The following TTC23 variants were observed in gnomAD, a reference collection of about 807,000 sequenced individuals.
The protein encoded by TTC23 is tetratricopeptide repeat protein 23.
A neutral mutation model predicts 55.1 loss-of-function variants in TTC23; 58 were observed. The observed-to-expected ratio is 1.05, with a 90% CI of 0.85 to 1.31. The LOEUF is 1.31. Among genes scored for constraint, TTC23 ranks in the 50% most tolerant of loss-of-function variants. The probability of loss-of-function intolerance (pLI) is 0.00; values close to 1 mark genes in which losing one functional copy is unlikely to be tolerated. For synonymous variants in TTC23, 203 were observed against 199.9 expected (o/e 1.02, Z -0.13); for missense variants, 516 against 534.4 (o/e 0.97, Z 0.34).
At chr15:99,209,775 C>T (rs2076895551) in intron 8 of TTC23, among the ~76,000 whole-genome samples, 1 of 152,122 alleles carries the variant, frequency 6.6e-6, no homozygotes, top group Admixed American at 6.6e-5. Context: ...CACTCTGTCA[C>T]CCAGGTTGGA....
chr15:99,231,416 C>T (rs895511137), intron 4 of TTC23, among the ~76,000 whole-genome samples: 13 of 152,152 alleles, frequency 8.5e-5, no homozygotes, highest in African/African-American at 2.9e-4. Flanking sequence ...TCCAGTGGGA[C>T]AAGACATGGA....
chr15:99,161,962 A>T, intron 10 of TTC23, 95 bp from the exon 11 acceptor site: 2 of 1,357,542 alleles, frequency 1.5e-6, no homozygotes, highest in Non-Finnish European at 2.0e-6. Context: ...AGCTATTTGG[A>T]AAGAGGTATT....
rs542991536 is a variant in TTC23 at position 99,222,865 on chromosome 15, C to T, written c.181-1001G>A. Among the ~76,000 whole-genome samples the T allele has an allele frequency of 2.4e-4, 37 of 152,024 alleles. No homozygotes were observed. In the East Asian group the frequency reaches 5.7e-3, roughly 23 times the overall value. On this transcript the variant is annotated intron_variant, in intron 5 of 13. Coordinates refer to ENST00000394132, the MANE Select transcript of TTC23 (RefSeq NM_001288615.3). ...ACAAAAAATTAGCCAGGCATGGTGG[C>T]GGCCGCCCGTAGTCCCAGCTACTCG...
chr15:99,202,313 G>A (rs1202513783), intron 8 of TTC23, among the ~76,000 whole-genome samples: 2 of 152,120 alleles, frequency 1.3e-5, no homozygotes, highest in Non-Finnish European at 2.9e-5. Flanking sequence ...TCCTCGTCAT[G>A]TTCATAAAAG....
intron 3 of TTC23, among the ~76,000 whole-genome samples, chr15:99,235,863 T>C (rs2079279753): frequency 6.6e-6 from 1 of 152,232 alleles, no homozygotes; most frequent in African/African-American, 2.4e-5. Context: ...TGTCTCTGAA[T>C]CTGACTGCTC....
intron 12 of TTC23, among the ~76,000 whole-genome samples, chr15:99,147,293 T>C (rs2069033983): frequency 7.5e-6 from 1 of 132,814 alleles, no homozygotes; most frequent in Non-Finnish European, 1.6e-5. Flanking sequence ...CGGCGCGATC[T>C]CAGCTCACTG....
chr15:99,191,705 C>G (rs1448375938), intron 9 of TTC23, among the ~76,000 whole-genome samples: 1 of 152,166 alleles, frequency 6.6e-6, no homozygotes, highest in African/African-American at 2.4e-5. Context: ...ATGTCTTCAT[C>G]AGCAGCATGA....
chr15:99,171,259 C>G (rs532222602), intron 10 of TTC23, among the ~76,000 whole-genome samples: 2 of 152,276 alleles, frequency 1.3e-5, no homozygotes, highest in East Asian at 3.9e-4. Flanking sequence ...GGTGCTGAAT[C>G]TGACAAGGGC....
chr15:99,175,252 C>T (rs551570574), intron 9 of TTC23, 97 bp from the exon 10 acceptor site: 12 of 931,798 alleles, frequency 1.3e-5, no homozygotes, highest in Non-Finnish European at 1.8e-5. Context: ...AGCCAAGGAA[C>T]TTTCCAGCAA....
At chr15:99,240,346 G>T (rs2079668051) in intron 3 of TTC23, among the ~76,000 whole-genome samples, 1 of 152,022 alleles carries the variant, frequency 6.6e-6, no homozygotes. Flanking sequence ...TAAAAGAGAG[G>T]TTATATTTAT....
In TTC23 at chr15:99,137,085, T is replaced by G. The variant is rs2067648029; in HGVS notation, c.*925A>C. 1 of 152,354 alleles carries G rather than the reference T, an allele frequency of 6.6e-6. No individual in the cohort carries two copies. Among genetic ancestry groups the G allele is most frequent in the Non-Finnish European group, 1.5e-5 (1 of 68,156 alleles). The allele number at this position is 152,354 out of a possible 1,614,324, so 9.4% of individuals were successfully genotyped here. On this transcript the variant is annotated 3_prime_UTR_variant, in exon 14 of 14. Coordinates refer to ENST00000394132, the MANE Select transcript of TTC23 (RefSeq NM_001288615.3). Reference sequence around the variant, plus strand: ...ACCAGGGGAGGGAGGGGAAGGGACATCACTGCCCACACCTGCACCCCTACC... The same window carrying G: ...ACCAGGGGAGGGAGGGGAAGGGACAGCACTGCCCACACCTGCACCCCTACC...
At chr15:99,228,375 A>C (rs545350568) in intron 5 of TTC23, 158 bp downstream of exon 5, 1 of 554,468 alleles carries the variant, frequency 1.8e-6, no homozygotes, top group South Asian at 4.5e-5. Context: ...GCCTAGAGGT[A>C]CTGCATTCAT....
At chr15:99,215,047 G>C (rs542036204) in intron 8 of TTC23, among the ~76,000 whole-genome samples, 9 of 151,356 alleles carry the variant, frequency 5.9e-5, no homozygotes, top group African/African-American at 1.9e-4. Flanking sequence ...GTAGAGACAG[G>C]GTCTCGCCAT....
intron 10 of TTC23, among the ~76,000 whole-genome samples, chr15:99,167,696 G>A (rs1315186749): frequency 6.6e-6 from 1 of 152,206 alleles, no homozygotes; most frequent in Non-Finnish European, 1.5e-5. Flanking sequence ...CCCACTGGAG[G>A]GGAGGTCAGG....
chr15:99,187,892 G>A (rs377579475), intron 9 of TTC23, among the ~76,000 whole-genome samples: 2 of 152,066 alleles, frequency 1.3e-5, no homozygotes, highest in South Asian at 2.1e-4. Flanking sequence ...AATTGTTGGT[G>A]GGAATGTAAA....
intron 10 of TTC23, among the ~76,000 whole-genome samples, chr15:99,163,106 CAA>C (rs1285772935): frequency 1.5e-5 from 2 of 134,080 alleles, no homozygotes; most frequent in African/African-American, 2.8e-5. Context: ...AACAAACAAA[CAA>C]AAACAACAAC....
intron 11 of TTC23, among the ~76,000 whole-genome samples, chr15:99,156,724 T>TA (rs1567348513): frequency 6.6e-6 from 1 of 152,192 alleles, no homozygotes; most frequent in Non-Finnish European, 1.5e-5. Context: ...ACATGGGTAT[T>TA]ATAGGAACTA....
intron 12 of TTC23, among the ~76,000 whole-genome samples, chr15:99,143,711 C>A (rs185178231): frequency 1.9e-4 from 29 of 152,298 alleles, no homozygotes; most frequent in Admixed American, 6.5e-4. Context: ...TCCTTAAATA[C>A]CAAACAGGGA....
intron 4 of TTC23, among the ~76,000 whole-genome samples, chr15:99,231,655 G>A (rs2078945425): frequency 6.6e-6 from 1 of 152,022 alleles, no homozygotes; most frequent in Non-Finnish European, 1.5e-5. Flanking sequence ...ACCATACCCG[G>A]CTATTTTTTT....
Sources: gnomAD v4.1 joint callset for allele counts (sites outside exome capture counted in the v4.1 genomes callset) on GRCh38, gnomAD v4.1.1 for gene constraint, MANE v1.5 for transcripts, NCBI Gene and HGNC (gene_info 2026-07-23, HGNC 2026-07-21) for gene names.